Variants in TPRX1 observed in about 807,000 individuals in gnomAD.
TPRX1 encodes tetra-peptide repeat homeobox protein 1.
A neutral mutation model predicts 8.1 loss-of-function variants in TPRX1; 2 were observed. The observed-to-expected ratio is 0.25, with a 90% CI of 0.10 to 0.78. The LOEUF (loss-of-function observed/expected upper bound fraction) is 0.78. Among genes scored for constraint, TPRX1 ranks in the 30% least tolerant of loss-of-function variants. The pLI is 0.70. For synonymous variants in TPRX1, 257 were observed against 254.1 expected, an observed-to-expected ratio of 1.01 and a Z score of -0.11; for missense variants, 517 against 586.9, an observed-to-expected ratio of 0.88 and a Z score of 1.23.
In TPRX1 at chr19:47,803,036, T is replaced by G. The variant is rs1001149556; in HGVS notation, c.322-56A>C. 660 of 1,487,228 alleles carry G rather than the reference T, an allele frequency of 4.4e-4. 1 individual carries two copies. The highest frequency in any genetic ancestry group is 5.5e-4 in the Non-Finnish European group (615 of 1,123,808). The allele number at this position is 1,487,228 out of a possible 1,614,324, so 92.1% of individuals were successfully genotyped here. On this transcript the variant is annotated intron_variant, in intron 3 of 3. Transcript: ENST00000535759. Reference sequence around the variant, plus strand: ...TGAAGGAGGGGCTCGCGCGGCCCAGTGAGCCTTTTGGGGTCGGGGCCAGCC... The same window carrying G: ...TGAAGGAGGGGCTCGCGCGGCCCAGGGAGCCTTTTGGGGTCGGGGCCAGCC...
rs192595580 is a variant in TPRX1, at chr19:47,808,350, G to A, written c.152-4677C>T. ...GGCTGGTCTTGAACTCCTGACCTCA[G>A]GTGATCCACCCGCCTCAGCCTCCCA... On this transcript the variant is annotated intron_variant, in intron 2 of 3. Transcript: ENST00000535759. 3.8e-3 allele frequency among the ~76,000 whole-genome samples: 574 copies of A among 151,130 alleles called. 3 individuals carry two copies. The highest frequency in any genetic ancestry group is 0.013 in the African/African-American group (553 of 41,148).
intron 2 of TPRX1, among the ~76,000 whole-genome samples, chr19:47,813,950 TG>T (rs1967808386): frequency 7.8e-4 from 1 of 1,280 alleles, no homozygotes; most frequent in East Asian, 0.016. Flanking sequence ...AAGGGCGTGG[TG>T]GGGGCGGGGT....
intron 2 of TPRX1, chr19:47,818,459 C>T (rs774299900): frequency 2.2e-6 from 1 of 455,892 alleles, no homozygotes; most frequent in South Asian, 1.5e-5. Context: ...TTATTGAACA[C>T]ACACTTACTG....
rs201365245 is a variant in TPRX1, at chr19:47,802,526, G to C, written c.776C>G (p.Pro259Arg). ...TGGGCCTGAGATTGGGCCTGGGATC[G>C]GGGCTGGGCCTGAAATTGGGCCTGG... The change falls in exon 4 of 4, where the codon CCG becomes CGG. Residue 259 changes from proline to arginine, a missense_variant. Pro to Arg is a moderately radical substitution (Grantham distance 103). Around this residue, in one of 3 missense-constraint regions of TPRX1, gnomAD observed 506 missense variants for 515.5 expected, o/e 0.98. Coordinates refer to ENST00000535759, the Ensembl canonical transcript of TPRX1. 161 of 1,549,234 alleles carry C rather than the reference G, an allele frequency of 1.0e-4. 3 individuals carry two copies. In the South Asian group the frequency reaches 1.8e-3, roughly 18 times the overall value.
exon 4 of TPRX1, chr19:47,801,940 G>C: frequency 6.2e-7 from 1 of 1,614,160 alleles, no homozygotes; most frequent in Non-Finnish European, 8.5e-7. Flanking sequence ...CTAGGGGTAG[G>C]AGCAGCTCTG....
At chr19:47,816,286 T>C (rs112583420) in intron 2 of TPRX1, among the ~76,000 whole-genome samples, 9,493 of 152,188 alleles carry the variant, frequency 0.062, 356 homozygotes, top group East Asian at 0.15. Context: ...CAGGCTGGTC[T>C]TGAACTCCTG....
At chr19:47,818,216 C>A (rs1376554932) in intron 2 of TPRX1, among the ~76,000 whole-genome samples, 5 of 150,454 alleles carry the variant, frequency 3.3e-5, no homozygotes, top group Non-Finnish European at 1.5e-5. Context: ...CATCACCCAT[C>A]CATCCATCCA....
intron 2 of TPRX1, among the ~76,000 whole-genome samples, 180 bp downstream of exon 1, chr19:47,804,335 G>A (rs987506491): frequency 2.4e-4 from 36 of 151,934 alleles, no homozygotes; most frequent in Admixed American, 1.1e-3. Flanking sequence ...GATCACAGGC[G>A]TGAGACGCTA....
intron 2 of TPRX1, among the ~76,000 whole-genome samples, chr19:47,809,349 C>T (rs909936589): frequency 6.6e-6 from 1 of 151,968 alleles, no homozygotes; most frequent in Admixed American, 6.6e-5. Flanking sequence ...GTCATGATCT[C>T]GGCTCACTGC....
rs1283928683 is a variant in TPRX1 at position 47,813,490 on chromosome 19, G to A, written c.151+4978C>T. On this transcript the variant is annotated intron_variant, in intron 2 of 3. Transcript: ENST00000535759. ...CCAGAATTGCAGGTGGAGGCACTAGGCACTCCGGTGACCGTGGCGGCGAGA... is the reference window on the plus strand; with the variant it reads ...CCAGAATTGCAGGTGGAGGCACTAGACACTCCGGTGACCGTGGCGGCGAGA... Among the ~76,000 whole-genome samples the A allele has an allele frequency of 1.3e-4, 20 of 152,162 alleles. No homozygotes were observed. In the East Asian group the frequency reaches 3.5e-3, roughly 26 times the overall value.
chr19:47,802,661 A>G lies in TPRX1; in HGVS notation c.641T>C (p.Ile214Thr), dbSNP rs377736385. Residue 214 changes from isoleucine (I) to threonine (T), a missense_variant, in exon 4 of 4, where the codon ATT (isoleucine) becomes ACT (threonine). Around this residue, in one of 3 missense-constraint regions of TPRX1, gnomAD observed 506 missense variants for 515.5 expected, o/e 0.98. Transcript: ENST00000535759. ...AGCTGGGCCTGGAATTGGGCCTGGA[A>G]TTGAGCCAGGGAGTGGGCCTGGGAT... 4.5e-6 allele frequency: 7 copies of G among 1,554,848 alleles called. No individual in the cohort carries two copies. Among genetic ancestry groups the G allele is most frequent in the Non-Finnish European group, 8.7e-7 (1 of 1,149,366 alleles).
rs186315495 is a variant in TPRX1 at position 47,805,822 on chromosome 19, T to C, written c.152-2149A>G. Among the ~76,000 whole-genome samples, 260 of 152,310 alleles carry C rather than the reference T, an allele frequency of 1.7e-3. 3 individuals carry two copies. Among genetic ancestry groups the C allele is most frequent in the Admixed American group, 4.0e-3 (61 of 15,294 alleles). On this transcript the variant is annotated intron_variant, in intron 2 of 3. Transcript: ENST00000535759. Reference sequence around the variant, plus strand: ...CAGATGAACAAGCTCACTGGTACTATTTTGTGAAAATAGACATTTAAATAT... The same window carrying C: ...CAGATGAACAAGCTCACTGGTACTACTTTGTGAAAATAGACATTTAAATAT...
chr19:47,809,322 C>T (rs1303344600), intron 2 of TPRX1, among the ~76,000 whole-genome samples: 3 of 151,838 alleles, frequency 2.0e-5, no homozygotes, highest in African/African-American at 7.3e-5. Flanking sequence ...TCTCTATCAC[C>T]CAGGCTGCGT....
chr19:47,803,913 C>A (rs759687286), intron 2 of TPRX1, among the ~76,000 whole-genome samples: 1 of 152,084 alleles, frequency 6.6e-6, no homozygotes, highest in Non-Finnish European at 1.5e-5. Context: ...CACCTCGGAG[C>A]AGACGGGGCT....
At chr19:47,817,637 C>T (rs1967856258) in intron 2 of TPRX1, among the ~76,000 whole-genome samples, 2 of 152,152 alleles carry the variant, frequency 1.3e-5, no homozygotes, top group Non-Finnish European at 2.9e-5. Context: ...CCCGAGTCTG[C>T]CTGGGATTCC....
At position 47,818,979 on chromosome 19, in the gene TPRX1, C is replaced by T. The variant is rs545273284; in HGVS notation, c.73G>A (p.Ala25Thr). Residue 25 changes from alanine to threonine, a missense_variant, in exon 1 of 4, where the codon GCT becomes ACT. Physicochemically the swap from Ala to Thr is moderately conservative, Grantham distance 58. Coordinates refer to ENST00000535759, the Ensembl canonical transcript of TPRX1. ...TCATTGTTCAATTCTCACCTATGAG[C>T]GAGAGCATGCGGTGTTTGGTTTTCT... The T allele has an allele frequency of 4.4e-5, 11 of 249,642 alleles. No homozygotes were observed. The East Asian group carries it at 6.5e-4, about 15-fold the overall frequency. 15.5% of individuals were successfully genotyped at this position (249,642 alleles called of 1,614,324 possible). A position where few individuals can be genotyped will look rare whatever the true frequency, so the allele number is the denominator to read the frequency against.
At chr19:47,815,442 C>A (rs1345495427) in intron 2 of TPRX1, among the ~76,000 whole-genome samples, 1 of 148,668 alleles carries the variant, frequency 6.7e-6, no homozygotes, top group Non-Finnish European at 1.5e-5. Flanking sequence ...CATGAGCCAC[C>A]GCACCTGGCT....
At chr19:47,815,086 A>ACCACGCCCAGCCCACTGTGAGCTTTTC (rs1967818836) in intron 2 of TPRX1, among the ~76,000 whole-genome samples, 1 of 133,646 alleles carries the variant, frequency 7.5e-6, no homozygotes, top group Non-Finnish European at 1.6e-5. Context: ...GGTGTGAGTC[A>ACCACGCCCAGCCCACTGTGAGCTTTTC]TTGTGCTTAG....
At chr19:47,815,024 C>G (rs780934771) in intron 2 of TPRX1, among the ~76,000 whole-genome samples, 2 of 148,574 alleles carry the variant, frequency 1.3e-5, no homozygotes, top group Admixed American at 6.8e-5. Context: ...GCCTTGAACT[C>G]CTGACCACAA....
Sources: allele counts gnomAD v4.1 joint callset (sites outside exome capture counted in the v4.1 genomes callset), GRCh38; gene constraint gnomAD v4.1.1; regional missense constraint gnomAD v4.1.1; transcripts MANE v1.5; gene names NCBI Gene and HGNC (gene_info 2026-07-23, HGNC 2026-07-21).